Variants in GARRE1 observed in about 807,000 individuals in gnomAD.
The protein encoded by GARRE1 is granule associated Rac and RHOG effector 1.
A neutral mutation model predicts 103.2 loss-of-function variants in GARRE1; 49 were observed. The observed-to-expected ratio is 0.47, with a 90% CI of 0.38 to 0.60. The LOEUF (loss-of-function observed/expected upper bound fraction) is 0.60. Ranked by LOEUF, GARRE1 falls within the 20% of genes least tolerant of loss-of-function variation. GARRE1 has a pLI of 0.00. For missense variants in GARRE1, 1,199 were observed against 1,370.5 expected (o/e 0.87, Z 1.98); for synonymous variants, 505 against 532.8 (o/e 0.95, Z 0.72).
chr19:34,267,133 G>C (rs1211228087), intron 1 of GARRE1, among the ~76,000 whole-genome samples: 1 of 152,142 alleles, frequency 6.6e-6, no homozygotes, highest in African/African-American at 2.4e-5. Flanking sequence ...AGGCATGGTG[G>C]TGTGTGCCTG....
intron 1 of GARRE1, among the ~76,000 whole-genome samples, chr19:34,258,798 AAAG>A (rs1568519252): frequency 6.6e-6 from 1 of 151,220 alleles, no homozygotes; most frequent in Non-Finnish European, 1.5e-5. Context: ...TCAAAAAAAA[AAAG>A]AAAAGAAAAT....
chr19:34,300,220 A>G lies in GARRE1; in HGVS notation c.-254A>G, dbSNP rs573847696. The G allele has an allele frequency of 2.4e-6, 1 of 414,898 alleles. No homozygotes were observed. The highest frequency in any genetic ancestry group is 2.0e-5 in the African/African-American group (1 of 49,720). 25.7% of individuals were successfully genotyped at this position (414,898 alleles called of 1,614,324 possible). A position where few individuals can be genotyped will look rare whatever the true frequency, so the allele number is the denominator to read the frequency against. On this transcript the variant is annotated 5_prime_UTR_variant, in exon 2 of 14. Coordinates refer to ENST00000299505, the MANE Select transcript of GARRE1 (RefSeq NM_014686.5). ...CTTTTAGTAAGAGAGTGGAATGCTA[A>G]ACAGTTCTTATCCAGCATTTTGGAC...
At chr19:34,327,922 G>C in intron 5 of GARRE1, 56 bp downstream of exon 5, 1 of 1,613,258 alleles carries the variant, frequency 6.2e-7, no homozygotes, top group Non-Finnish European at 8.5e-7. Flanking sequence ...CTGCAGTCTA[G>C]TGTGAACCAA....
intron 8 of GARRE1, 21 bp from the exon 9 acceptor site, chr19:34,339,846 T>C: frequency 6.2e-7 from 1 of 1,613,958 alleles, no homozygotes; most frequent in Non-Finnish European, 8.5e-7. Flanking sequence ...CCAAGACTAA[T>C]GCAGCCTAAT....
intron 1 of GARRE1, among the ~76,000 whole-genome samples, chr19:34,278,681 AT>A (rs573222305): frequency 6.2e-4 from 90 of 145,556 alleles, no homozygotes; most frequent in African/African-American, 7.8e-4. Context: ...TCCTTCATTA[AT>A]TTTTTTTTTT....
intron 10 of GARRE1, among the ~76,000 whole-genome samples, chr19:34,344,590 CAAA>C (rs556583085): frequency 4.0e-5 from 3 of 75,214 alleles, no homozygotes; most frequent in Non-Finnish European, 2.8e-5. Context: ...GACTCCGTCT[CAAA>C]AAAAAAAAAA....
rs746444067 is a variant in GARRE1 at position 34,339,927 on chromosome 19, G to T, written c.1422G>T (p.Lys474Asn). Residue 474 changes from lysine to asparagine, a missense_variant, in exon 9 of 14, where the codon AAG becomes AAT. Coordinates refer to ENST00000299505, the MANE Select transcript of GARRE1 (RefSeq NM_014686.5). Reference sequence around the variant, plus strand: ...TGCAGAGAAGCCTTGATCCTGAGAAGACCCTGGGTCTAGTGGACGTGCTCT... The same window carrying T: ...TGCAGAGAAGCCTTGATCCTGAGAATACCCTGGGTCTAGTGGACGTGCTCT... ...SLLQRSLDPEKTLGLVDVLYT... is the reference protein window; with the variant it reads ...SLLQRSLDPENTLGLVDVLYT... 1 of 1,613,964 alleles carries T rather than the reference G, an allele frequency of 6.2e-7. No individual in the cohort carries two copies. The highest frequency in any genetic ancestry group is 1.7e-5 in the Admixed American group (1 of 60,006).
chr19:34,321,559 A>G (rs917943167), intron 3 of GARRE1, among the ~76,000 whole-genome samples: 10 of 147,874 alleles, frequency 6.8e-5, no homozygotes, highest in Admixed American at 3.4e-4. Context: ...GGTTCAAACA[A>G]TTCTCTGCCT....
At chr19:34,294,072 A>T (rs1003770820) in intron 1 of GARRE1, among the ~76,000 whole-genome samples, 19 of 151,786 alleles carry the variant, frequency 1.3e-4, no homozygotes, top group African/African-American at 4.1e-4. Flanking sequence ...GCATAAACTT[A>T]TTTTTATAAA....
At chr19:34,271,416 C>A (rs1568524223) in intron 1 of GARRE1, among the ~76,000 whole-genome samples, 1 of 151,810 alleles carries the variant, frequency 6.6e-6, no homozygotes, top group Non-Finnish European at 1.5e-5. Flanking sequence ...ACCCAACTAA[C>A]TTTTTGTATT....
chr19:34,279,972 G>A (rs1206865869), intron 1 of GARRE1, among the ~76,000 whole-genome samples: 2 of 137,832 alleles, frequency 1.5e-5, no homozygotes, highest in South Asian at 2.4e-4. Flanking sequence ...GCGACAGAGC[G>A]AGACTCCGTC....
In GARRE1 at chr19:34,354,997, C is replaced by T. The variant is rs1158848552; in HGVS notation, c.*2042C>T. 1 of 152,652 alleles carries T rather than the reference C, an allele frequency of 6.6e-6. No homozygotes were observed. The highest frequency in any genetic ancestry group is 1.5e-5 in the Non-Finnish European group (1 of 68,056). 9.5% of individuals were successfully genotyped at this position (152,652 alleles called of 1,614,324 possible). On this transcript the variant is annotated 3_prime_UTR_variant, in exon 14 of 14. Transcript: ENST00000299505. Reference sequence around the variant, plus strand: ...TCTGTGTTAGCTGTCACGGTGTGCACACTAATCTCTGTTAAAGTTGTCTAT... The same window carrying T: ...TCTGTGTTAGCTGTCACGGTGTGCATACTAATCTCTGTTAAAGTTGTCTAT...
intron 1 of GARRE1, among the ~76,000 whole-genome samples, chr19:34,261,473 A>G (rs1483080511): frequency 6.6e-6 from 1 of 152,186 alleles, no homozygotes; most frequent in Non-Finnish European, 1.5e-5. Context: ...GGTGCATTGA[A>G]TAAGCTGATA....
intron 10 of GARRE1, among the ~76,000 whole-genome samples, chr19:34,344,475 C>T (rs1432527330): frequency 6.6e-6 from 1 of 150,554 alleles, no homozygotes. Context: ...CCTGTAGTCC[C>T]AGCTACTTGG....
rs71165649 is a variant in GARRE1 at position 34,323,023 on chromosome 19, C to CTTTTTT, written c.705+2929_705+2934dup. On this transcript the variant is annotated intron_variant, in intron 3 of 13. Coordinates refer to ENST00000299505, the MANE Select transcript of GARRE1 (RefSeq NM_014686.5). ...ATTAACTTGGCAAAGTATTTCTTTT[C>CTTTTTT]TTTTTTTTTTTTTTTTTTTTTTTTT... 2.5e-4 allele frequency among the ~76,000 whole-genome samples: 17 copies of CTTTTTT among 66,690 alleles called. 2 individuals carry two copies. Among genetic ancestry groups the CTTTTTT allele is most frequent in the African/African-American group, 5.7e-4 (10 of 17,592 alleles). The allele number at this position is 66,690 out of a possible 152,430, so 43.8% of individuals were successfully genotyped here. A position where few individuals can be genotyped will look rare whatever the true frequency, so the allele number is the denominator to read the frequency against.
intron 1 of GARRE1, among the ~76,000 whole-genome samples, chr19:34,291,653 T>G (rs1389217938): frequency 6.6e-6 from 1 of 152,214 alleles, no homozygotes; most frequent in Admixed American, 6.5e-5. Flanking sequence ...ATGCCATTAA[T>G]CTATTCAGGA....
intron 1 of GARRE1, among the ~76,000 whole-genome samples, chr19:34,269,516 A>G (rs1295780895): frequency 6.6e-6 from 1 of 152,210 alleles, no homozygotes; most frequent in African/African-American, 2.4e-5. Flanking sequence ...CCAATCAATT[A>G]TATAGTAGCT....
At chr19:34,351,209 A>ATAAAAT (rs113016419) in intron 12 of GARRE1, among the ~76,000 whole-genome samples, 1 of 146,580 alleles carries the variant, frequency 6.8e-6, no homozygotes, top group East Asian at 2.0e-4. Context: ...AAAAAAAAAA[A>ATAAAAT]AAAATAAAAT....
At position 34,348,009 on chromosome 19, in the gene GARRE1, G is replaced by A. The variant is rs141741511; in HGVS notation, c.2654G>A (p.Arg885Gln). The A allele has an allele frequency of 1.4e-4, 211 of 1,524,968 alleles. 2 individuals are homozygous for A. The highest frequency in any genetic ancestry group is 1.1e-3 in the South Asian group (89 of 80,692). The allele number at this position is 1,524,968 out of a possible 1,614,324, so 94.5% of individuals were successfully genotyped here. ...GNWPPMDDAH[R>Q]TWPFPEFFTE... Reference sequence around the variant, plus strand: ...TGGCCGCCTATGGATGACGCGCATCGGACCTGGCCCTTCCCCGAGTTCTTC... The same window carrying A: ...TGGCCGCCTATGGATGACGCGCATCAGACCTGGCCCTTCCCCGAGTTCTTC... Residue 885 changes from arginine to glutamine, a missense_variant, in exon 11 of 14, where the codon CGG becomes CAG. Arg to Gln is a conservative substitution (Grantham distance 43, BLOSUM62 1). Transcript: ENST00000299505.
Sources: gnomAD v4.1 joint callset for allele counts (sites outside exome capture counted in the v4.1 genomes callset) on GRCh38, gnomAD v4.1.1 for gene constraint, MANE v1.5 for transcripts, NCBI Gene and HGNC (gene_info 2026-07-23, HGNC 2026-07-21) for gene names.